Variants in MFSD11 observed in about 807,000 individuals in gnomAD.
The protein encoded by MFSD11 is major facilitator superfamily domain containing 11.
A neutral mutation model predicts 53.5 loss-of-function variants in MFSD11; 36 were observed. That is an observed-to-expected ratio of 0.67 (90% CI 0.52 to 0.89). MFSD11 has a LOEUF of 0.89. Among genes scored for constraint, MFSD11 ranks in the 40% least tolerant of loss-of-function variants. The probability of loss-of-function intolerance (pLI) is 0.00; values close to 1 mark genes in which losing one functional copy is unlikely to be tolerated. For synonymous variants in MFSD11, 186 were observed against 184.9 expected (o/e 1.01, Z -0.05); for missense variants, 530 against 543.9 (o/e 0.97, Z 0.25).
At chr17:76,736,984 G>A (rs2077535432), upstream of MFSD11, 1 of 1,613,542 alleles carries the variant, frequency 6.2e-7, no homozygotes, top group Non-Finnish European at 8.5e-7. Context: ...GAAAGCGAAC[G>A]AAGGCGAAGC....
downstream of MFSD11, among the ~76,000 whole-genome samples, chr17:76,780,081 A>AT (rs543574618): frequency 8.6e-5 from 13 of 150,898 alleles, no homozygotes; most frequent in Middle Eastern, 3.2e-3. Context: ...GCTCACTTAA[A>AT]TTTTTTTTTT....
the MFSD11 span, among the ~76,000 whole-genome samples, chr17:76,790,505 C>CTAATTTTTTTTGTATTTTTAGTAG: frequency 4.1e-5 from 6 of 146,946 alleles, no homozygotes; most frequent in African/African-American, 1.5e-4. Context: ...CCATACCCAC[C>CTAATTTTTTTTGTATTTTTAGTAG]ACAGGTTTTG....
chr17:76,767,111 C>G (rs1278604277), intron 8 of MFSD11: 3 of 338,170 alleles, frequency 8.9e-6, no homozygotes, highest in Non-Finnish European at 1.6e-5. Flanking sequence ...TTGTTTGATT[C>G]TATTTTTTTT....
chr17:76,737,336 G>T (rs1012018154), upstream of MFSD11: 30 of 830,866 alleles, frequency 3.6e-5, no homozygotes, highest in Non-Finnish European at 5.0e-5. Context: ...ACAACTGGGC[G>T]GGCAGCCGGC....
At position 76,767,385 on chromosome 17, in the gene MFSD11, GAA is replaced by G; in HGVS notation, c.685_686del (p.Lys229ValfsTer3). 1 of 1,585,228 alleles carries G rather than the reference GAA, an allele frequency of 6.3e-7. No homozygotes were observed. The highest frequency in any genetic ancestry group is 8.6e-7 in the Non-Finnish European group (1 of 1,157,368). On this transcript the variant is annotated frameshift_variant and splice_region_variant, in exon 9 of 13. Coordinates refer to ENST00000685175, the MANE Select transcript of MFSD11 (RefSeq NM_001242532.5). LOFTEE classifies it high-confidence loss of function. ...GTACTCTTAAATTTTTGTGTTTACA[GAA>G]AAGTCTTTTAAGTTATGTGTCACCA... ...NNLTKAVDAFKKSFKLCVTKE... is the reference protein window; with the variant it reads ...NNLTKAVDAFXKSFKLCVTKE...
intron 7 of MFSD11, among the ~76,000 whole-genome samples, chr17:76,747,394 G>A (rs2078649340): frequency 6.6e-6 from 1 of 151,930 alleles, no homozygotes; most frequent in Non-Finnish European, 1.5e-5. Flanking sequence ...GAGTGCAATG[G>A]CGTAGTCTTG....
downstream of MFSD11, among the ~76,000 whole-genome samples, chr17:76,779,566 C>A (rs1170158509): frequency 1.3e-5 from 2 of 152,062 alleles, no homozygotes; most frequent in Non-Finnish European, 2.9e-5. Flanking sequence ...CTCACTGCAA[C>A]CTCTGCCTCC....
intron 8 of MFSD11, among the ~76,000 whole-genome samples, chr17:76,756,052 G>A (rs1279359067): frequency 1.3e-5 from 2 of 149,600 alleles, no homozygotes; most frequent in African/African-American, 4.9e-5. Context: ...TCAAACTCCC[G>A]ACCTCAGGTG....
At chr17:76,758,316 A>AT (rs11378490) in intron 8 of MFSD11, among the ~76,000 whole-genome samples, 126,577 of 152,100 alleles carry the variant, frequency 0.83, 54,276 homozygotes, top group East Asian at 0.95. Context: ...ACAGTGGTTC[A>AT]TGCCTGTAAT....
intron 3 of MFSD11, among the ~76,000 whole-genome samples, chr17:76,741,587 C>G (rs1269860812): frequency 6.6e-6 from 1 of 152,108 alleles, no homozygotes; most frequent in Non-Finnish European, 1.5e-5. Flanking sequence ...GAGTTCGAGA[C>G]CAGCCTGGGC....
chr17:76,790,280 T>C, the MFSD11 span, among the ~76,000 whole-genome samples: 1 of 148,132 alleles, frequency 6.8e-6, no homozygotes, highest in Non-Finnish European at 1.5e-5. Flanking sequence ...TTGGCCAGTC[T>C]GGTCTCAAAT....
At chr17:76,793,111 G>T in the MFSD11 span, among the ~76,000 whole-genome samples, 1 of 151,438 alleles carries the variant, frequency 6.6e-6, no homozygotes, top group South Asian at 2.1e-4. Flanking sequence ...TGAAGTTTCG[G>T]GCACGCATTG....
Position 76,738,466 on chromosome 17 carries a change from C to T in MFSD11, c.96+18C>T. On this transcript the variant is annotated intron_variant, in intron 1 of 12. Transcript: ENST00000685175. ...ATGTGGCGGTGAGTTGGAATCTGTCCTCCCTCCTTTGAAGTGCCCATCATA... is the reference window on the plus strand; with the variant it reads ...ATGTGGCGGTGAGTTGGAATCTGTCTTCCCTCCTTTGAAGTGCCCATCATA... 1.3e-6 allele frequency: 2 copies of T among 1,581,486 alleles called. No homozygotes were observed. The highest frequency in any genetic ancestry group is 1.7e-6 in the Non-Finnish European group (2 of 1,150,466).
At chr17:76,756,979 A>C (rs540068204) in intron 8 of MFSD11, among the ~76,000 whole-genome samples, 1 of 152,230 alleles carries the variant, frequency 6.6e-6, no homozygotes, top group African/African-American at 2.4e-5. Context: ...GACATTTCTT[A>C]GTGAGCCCTT....
At chr17:76,793,150 G>C in the MFSD11 span, among the ~76,000 whole-genome samples, 1 of 151,344 alleles carries the variant, frequency 6.6e-6, no homozygotes, top group Non-Finnish European at 1.5e-5. Flanking sequence ...CAGGAGACAG[G>C]GTTTGAGAGC....
chr17:76,800,114 C>T, the MFSD11 span, among the ~76,000 whole-genome samples: 1 of 141,282 alleles, frequency 7.1e-6, no homozygotes, highest in East Asian at 2.0e-4. Context: ...CGCCACCACT[C>T]CCAGCTAATT....
At chr17:76,780,015 G>C (rs1199416133), downstream of MFSD11, among the ~76,000 whole-genome samples, 1 of 152,096 alleles carries the variant, frequency 6.6e-6, no homozygotes, top group Non-Finnish European at 1.5e-5. Flanking sequence ...GTGCGGGAAT[G>C]GAACATAACT....
intron 8 of MFSD11, chr17:76,754,347 C>T (rs1429659283): frequency 1.2e-5 from 5 of 412,780 alleles, no homozygotes; most frequent in Non-Finnish European, 2.2e-5. Flanking sequence ...TCAGGTTCTC[C>T]CTGAAGTTGA....
chr17:76,782,604 G>A (rs1012483862), downstream of MFSD11, among the ~76,000 whole-genome samples: 8 of 140,690 alleles, frequency 5.7e-5, no homozygotes, highest in Admixed American at 4.7e-4. Context: ...TCAGCCTCCC[G>A]AGTAGCTGGG....
Sources: gnomAD v4.1 joint callset for allele counts (sites outside exome capture counted in the v4.1 genomes callset) on GRCh38, gnomAD v4.1.1 for gene constraint, MANE v1.5 for transcripts, NCBI Gene and HGNC (gene_info 2026-07-23, HGNC 2026-07-21) for gene names.